SUPT3H: variants seen among roughly 807,000 people sequenced by gnomAD.
The protein encoded by SUPT3H is transcription initiation protein SPT3 homolog.
Under a neutral mutation model 44.3 loss-of-function variants are expected in SUPT3H, and 44 were observed. The observed-to-expected ratio is 0.99, with a 90% CI of 0.78 to 1.28. The LOEUF is 1.28. Among genes scored for constraint, SUPT3H ranks in the 50% most tolerant of loss-of-function variants. The pLI is 0.00. For synonymous variants in SUPT3H, 124 were observed against 125.6 expected, an observed-to-expected ratio of 0.99 and a Z score of 0.09; for missense variants, 380 against 387.1, an observed-to-expected ratio of 0.98 and a Z score of 0.15.
chr6:45,149,945 G>A (rs577175788), intron 2 of SUPT3H, among the ~76,000 whole-genome samples: 3 of 150,806 alleles, frequency 2.0e-5, no homozygotes, highest in Non-Finnish European at 4.4e-5. Flanking sequence ...CTGGCTGAAT[G>A]TTAAAATCAC....
intron 6 of SUPT3H, among the ~76,000 whole-genome samples, chr6:44,976,283 C>CT (rs1224658257): frequency 6.6e-6 from 1 of 152,140 alleles, no homozygotes; most frequent in Non-Finnish European, 1.5e-5. Context: ...ATCAAAAATG[C>CT]TTTGCTTCAG....
chr6:44,947,078 T>C (rs753639038), intron 9 of SUPT3H, among the ~76,000 whole-genome samples: 3 of 152,164 alleles, frequency 2.0e-5, no homozygotes, highest in Non-Finnish European at 4.4e-5. Flanking sequence ...CAGATAATAA[T>C]TAGCATTTAA....
intron 2 of SUPT3H, among the ~76,000 whole-genome samples, chr6:45,128,815 G>A (rs9463070): frequency 0.87 from 131,365 of 150,484 alleles, 57,604 homozygotes; most frequent in African/African-American, 0.92. Context: ...CCTCCTGAAT[G>A]GCTGGGATTA....
intron 2 of SUPT3H, among the ~76,000 whole-genome samples, chr6:45,241,346 G>A (rs1770285768): frequency 6.6e-6 from 1 of 152,072 alleles, no homozygotes; most frequent in Non-Finnish European, 1.5e-5. Context: ...AGGAATACCT[G>A]GCCCACCCAG....
intron 11 of SUPT3H, among the ~76,000 whole-genome samples, chr6:44,813,581 A>AC: frequency 6.6e-6 from 1 of 151,796 alleles, no homozygotes; most frequent in South Asian, 2.1e-4. Flanking sequence ...AAGAGGAAAA[A>AC]AAAAAAAACA....
At chr6:45,328,242 A>G (rs1365785192) in intron 2 of SUPT3H, 9 of 1,311,572 alleles carry the variant, frequency 6.9e-6, no homozygotes, top group Non-Finnish European at 9.1e-6. Flanking sequence ...TGAGGTCACA[A>G]ACCACATGAT....
chr6:44,881,394 C>T (rs547999383), intron 10 of SUPT3H, among the ~76,000 whole-genome samples: 1 of 152,244 alleles, frequency 6.6e-6, no homozygotes, highest in African/African-American at 2.4e-5. Flanking sequence ...AAAGCAAGTT[C>T]TTAGAGATCT....
intron 2 of SUPT3H, among the ~76,000 whole-genome samples, chr6:45,108,263 C>T (rs1207179378): frequency 6.6e-6 from 1 of 152,154 alleles, no homozygotes; most frequent in East Asian, 1.9e-4. Context: ...ATTGCATGAG[C>T]TCAGGAGTTT....
chr6:44,937,493 C>CAA (rs752102544), intron 9 of SUPT3H, among the ~76,000 whole-genome samples: 10 of 141,416 alleles, frequency 7.1e-5, no homozygotes, highest in Non-Finnish European at 1.1e-4. Context: ...GACACTGTCT[C>CAA]AAAAAAAAAA....
chr6:44,908,705 G>A (rs1441397390), intron 10 of SUPT3H, among the ~76,000 whole-genome samples: 1 of 151,992 alleles, frequency 6.6e-6, no homozygotes, highest in Non-Finnish European at 1.5e-5. Flanking sequence ...TTTGTGCCTA[G>A]CACTATGCAA....
At chr6:45,062,501 C>T (rs1165880653) in intron 3 of SUPT3H, among the ~76,000 whole-genome samples, 1 of 152,150 alleles carries the variant, frequency 6.6e-6, no homozygotes, top group Non-Finnish European at 1.5e-5. Context: ...CAGCTCCCAG[C>T]GTGAGCGACG....
intron 10 of SUPT3H, among the ~76,000 whole-genome samples, chr6:44,846,881 T>C (rs1429710734): frequency 6.6e-6 from 1 of 152,152 alleles, no homozygotes; most frequent in African/African-American, 2.4e-5. Flanking sequence ...CTCTCCGCCT[T>C]AGCCTCCCAA....
intron 2 of SUPT3H, among the ~76,000 whole-genome samples, chr6:45,171,303 A>T (rs1810731055): frequency 6.6e-6 from 1 of 152,242 alleles, no homozygotes; most frequent in South Asian, 2.1e-4. Flanking sequence ...TTATTTTCTA[A>T]AATGAATACC....
At chr6:44,951,528 G>C (rs1390349256) in intron 9 of SUPT3H, among the ~76,000 whole-genome samples, 1 of 152,072 alleles carries the variant, frequency 6.6e-6, no homozygotes, top group Non-Finnish European at 1.5e-5. Context: ...TCACAGGAGG[G>C]GAGGGGTGTC....
chr6:45,111,725 T>C (rs1030609377), intron 2 of SUPT3H, among the ~76,000 whole-genome samples: 8 of 152,114 alleles, frequency 5.3e-5, no homozygotes, highest in Non-Finnish European at 7.4e-5. Context: ...TTCTCTGATG[T>C]TGAGGATGAA....
chr6:45,284,999 T>C (rs1778961887), intron 2 of SUPT3H, among the ~76,000 whole-genome samples: 1 of 152,016 alleles, frequency 6.6e-6, no homozygotes, highest in South Asian at 2.1e-4. Context: ...AACCACACGA[T>C]TATCTCAATA....
intron 10 of SUPT3H, among the ~76,000 whole-genome samples, chr6:44,855,739 C>G (rs1773619733): frequency 6.6e-6 from 1 of 151,772 alleles, no homozygotes; most frequent in East Asian, 1.9e-4. Flanking sequence ...TAGGTCCCAC[C>G]CCACCACCCT....
At chr6:44,848,406 A>G (rs1772277230) in intron 10 of SUPT3H, among the ~76,000 whole-genome samples, 1 of 152,180 alleles carries the variant, frequency 6.6e-6, no homozygotes, top group Non-Finnish European at 1.5e-5. Flanking sequence ...GCACCAATTA[A>G]TTTCTGGTGA....
chr6:45,236,893 T>C (rs1769271284), intron 2 of SUPT3H, among the ~76,000 whole-genome samples: 1 of 152,204 alleles, frequency 6.6e-6, no homozygotes, highest in African/African-American at 2.4e-5. Context: ...CAGTCAGATG[T>C]TGCCAGTGGG....
Sources: allele counts gnomAD v4.1 joint callset (sites outside exome capture counted in the v4.1 genomes callset), GRCh38; gene constraint gnomAD v4.1.1; transcripts MANE v1.5; gene names NCBI Gene and HGNC (gene_info 2026-07-23, HGNC 2026-07-21).